The following TAB2 variants were observed in gnomAD, a reference collection of about 807,000 sequenced individuals.
TAB2 encodes the protein TGF-beta-activated kinase 1 and MAP3K7-binding protein 2.
TAB2 carries 3 observed loss-of-function variants against 65.0 expected under a neutral mutation model. That is an observed-to-expected ratio of 0.05 (90% CI 0.02 to 0.12). The LOEUF is 0.12. TAB2 is among the 10% of genes least tolerant of loss of function. The pLI is 1.00. For missense variants in TAB2, 623 were observed against 840.3 expected, an observed-to-expected ratio of 0.74 and a Z score of 3.20; for synonymous variants, 298 against 285.1, an observed-to-expected ratio of 1.05 and a Z score of -0.46.
chr6:149,274,601 C>T (rs1778420500), intron 1 of TAB2, among the ~76,000 whole-genome samples: 1 of 152,112 alleles, frequency 6.6e-6, no homozygotes, highest in Non-Finnish European at 1.5e-5. Context: ...AGGCTAAGTT[C>T]TTTAAAGAGG....
At chr6:149,312,311 TTCACA>T (rs1779179262) in intron 1 of TAB2, among the ~76,000 whole-genome samples, 1 of 152,248 alleles carries the variant, frequency 6.6e-6, no homozygotes, top group Non-Finnish European at 1.5e-5. Flanking sequence ...ATGCTCTTCC[TTCACA>T]TCACATCAGT....
intron 1 of TAB2, among the ~76,000 whole-genome samples, chr6:149,311,147 G>A (rs909208861): frequency 5.9e-5 from 9 of 152,106 alleles, no homozygotes; most frequent in Non-Finnish European, 1.0e-4. Context: ...AGTTCACATT[G>A]CTACCTGCTT....
intron 3 of TAB2, chr6:149,379,878 A>G (rs1412997694): frequency 1.3e-5 from 6 of 451,372 alleles, no homozygotes; most frequent in East Asian, 1.4e-4. Context: ...TAACGTTTTA[A>G]TAAGCAACTA....
At chr6:149,295,919 A>C (rs1256234634) in intron 1 of TAB2, among the ~76,000 whole-genome samples, 1 of 152,018 alleles carries the variant, frequency 6.6e-6, no homozygotes, top group Non-Finnish European at 1.5e-5. Flanking sequence ...CTACAGGCGC[A>C]TACTACTACA....
At chr6:149,321,910 G>C (rs1779467270) in intron 1 of TAB2, among the ~76,000 whole-genome samples, 1 of 152,102 alleles carries the variant, frequency 6.6e-6, no homozygotes, top group African/African-American at 2.4e-5. Context: ...TCATAAATGA[G>C]GCTTTGCTGA....
At chr6:149,355,120 T>C (rs937765640) in intron 1 of TAB2, among the ~76,000 whole-genome samples, 1 of 152,144 alleles carries the variant, frequency 6.6e-6, no homozygotes, top group Non-Finnish European at 1.5e-5. Context: ...AAATTAAATC[T>C]CCCATGATGC....
intron 1 of TAB2, among the ~76,000 whole-genome samples, chr6:149,248,796 C>A (rs537449319): frequency 6.6e-6 from 1 of 152,124 alleles, no homozygotes; most frequent in Non-Finnish European, 1.5e-5. Flanking sequence ...CTGCCCTGGG[C>A]CTGTTTTGTG....
chr6:149,346,127 G>C (rs1389101524), intron 1 of TAB2, among the ~76,000 whole-genome samples: 1 of 152,206 alleles, frequency 6.6e-6, no homozygotes, highest in East Asian at 1.9e-4. Flanking sequence ...GGGAGGAAGG[G>C]GTGGATGGGT....
chr6:149,327,686 C>A (rs1360938453), intron 1 of TAB2, among the ~76,000 whole-genome samples: 1 of 152,180 alleles, frequency 6.6e-6, no homozygotes, highest in Non-Finnish European at 1.5e-5. Flanking sequence ...GAGTGACTTA[C>A]TGTTTACCCC....
At chr6:149,397,020 C>T (rs1042917343) in intron 3 of TAB2, among the ~76,000 whole-genome samples, 10 of 152,142 alleles carry the variant, frequency 6.6e-5, no homozygotes, top group East Asian at 3.8e-4. Flanking sequence ...ACTGAAAAGA[C>T]GAAAACCTTT....
chr6:149,271,589 C>G (rs1306054002), intron 1 of TAB2, among the ~76,000 whole-genome samples: 1 of 152,152 alleles, frequency 6.6e-6, no homozygotes, highest in Non-Finnish European at 1.5e-5. Context: ...CCAGAAGTTA[C>G]TAACATCCTT....
chr6:149,259,726 T>A (rs1778113897), intron 1 of TAB2, among the ~76,000 whole-genome samples: 1 of 152,142 alleles, frequency 6.6e-6, no homozygotes, highest in African/African-American at 2.4e-5. Context: ...TTAAAACTTC[T>A]CCATGGTGCT....
chr6:149,270,053 A>T (rs958054667), intron 1 of TAB2, among the ~76,000 whole-genome samples: 5 of 152,270 alleles, frequency 3.3e-5, no homozygotes, highest in African/African-American at 1.2e-4. Context: ...TTTTGCAGCC[A>T]CATCAGCAAT....
chr6:149,246,755 C>T (rs1389543902), intron 1 of TAB2: 1 of 152,304 alleles, frequency 6.6e-6, no homozygotes, highest in Admixed American at 6.5e-5. Flanking sequence ...CAGCCTCGGA[C>T]TCCTGAGCTC....
chr6:149,288,400 C>T (rs1778715263), intron 1 of TAB2, among the ~76,000 whole-genome samples: 1 of 152,206 alleles, frequency 6.6e-6, no homozygotes, highest in Non-Finnish European at 1.5e-5. Context: ...GCAGACATTG[C>T]TCCTCTGTGG....
chr6:149,375,212 C>T (rs1371329167), intron 2 of TAB2, among the ~76,000 whole-genome samples: 1 of 152,038 alleles, frequency 6.6e-6, no homozygotes, highest in East Asian at 1.9e-4. Context: ...ATCAAACGAA[C>T]AAAGATGGGT....
intron 6 of TAB2, 72 bp from the exon 7 acceptor site, chr6:149,409,505 G>A: frequency 7.0e-7 from 1 of 1,431,300 alleles, no homozygotes; most frequent in Non-Finnish European, 9.8e-7. Flanking sequence ...TACAAATGGT[G>A]TTTAAAGTTG....
intron 1 of TAB2, among the ~76,000 whole-genome samples, chr6:149,235,372 A>T (rs1041899584): frequency 2.0e-5 from 3 of 152,366 alleles, no homozygotes; most frequent in Non-Finnish European, 2.9e-5. Flanking sequence ...GTTGAGGAAG[A>T]GCAATCTTGG....
chr6:149,353,217 C>G (rs559104820), intron 1 of TAB2, among the ~76,000 whole-genome samples: 1 of 151,836 alleles, frequency 6.6e-6, no homozygotes, highest in South Asian at 2.1e-4. Context: ...CTCTGCATTT[C>G]AAAGCTCTGG....
Sources: gnomAD v4.1 joint callset for allele counts (sites outside exome capture counted in the v4.1 genomes callset) on GRCh38, gnomAD v4.1.1 for gene constraint, MANE v1.5 for transcripts, NCBI Gene and HGNC (gene_info 2026-07-23, HGNC 2026-07-21) for gene names.